The following GAPVD1 variants were observed in gnomAD, a reference collection of about 807,000 sequenced individuals.
The protein encoded by GAPVD1 is GTPase activating protein and VPS9 domains 1.
Under a neutral mutation model 155.5 loss-of-function variants are expected in GAPVD1, and 35 were observed. The ratio of observed to expected loss-of-function variants is 0.23; its 90% CI spans 0.17 to 0.30. The LOEUF (loss-of-function observed/expected upper bound fraction) is 0.30. Among genes scored for constraint, GAPVD1 ranks in the 10% least tolerant of loss-of-function variants. The pLI, the probability that GAPVD1 is intolerant of heterozygous loss-of-function variation, is 1.00. For synonymous variants in GAPVD1, 636 were observed against 619.7 expected, an observed-to-expected ratio of 1.03 and a Z score of -0.39; for missense variants, 1,429 against 1,775.7, an observed-to-expected ratio of 0.80 and a Z score of 3.51.
chr9:125,269,710 CTTTTT>C (rs951306489), intron 2 of GAPVD1, among the ~76,000 whole-genome samples: 31 of 52,702 alleles, frequency 5.9e-4, no homozygotes, highest in African/African-American at 1.1e-3. Context: ...CCATGCCTGG[CTTTTT>C]TTTTTTTTTT....
intron 24 of GAPVD1, among the ~76,000 whole-genome samples, chr9:125,355,384 G>A (rs1009549578): frequency 1.3e-5 from 2 of 152,180 alleles, no homozygotes; most frequent in African/African-American, 2.4e-5. Flanking sequence ...GATTACAGGC[G>A]TGAGCCACTG....
intron 11 of GAPVD1, among the ~76,000 whole-genome samples, chr9:125,325,393 G>T (rs10986704): frequency 0.02 from 2,986 of 151,200 alleles, 114 homozygotes; most frequent in East Asian, 0.086. Context: ...ATGGTGGCAG[G>T]CGCTTGTAGT....
At chr9:125,317,905 C>T (rs1028743756) in intron 9 of GAPVD1, among the ~76,000 whole-genome samples, 49 of 152,046 alleles carry the variant, frequency 3.2e-4, no homozygotes, top group Non-Finnish European at 1.5e-4. Context: ...GGTTCAACAG[C>T]AGATTTGTAC....
At chr9:125,305,292 G>T in intron 6 of GAPVD1, 143 bp downstream of exon 6, 1 of 534,120 alleles carries the variant, frequency 1.9e-6, no homozygotes. Flanking sequence ...ATTTAAAGAT[G>T]ATTAATTCCC....
intron 20 of GAPVD1, among the ~76,000 whole-genome samples, chr9:125,348,236 T>C (rs1706027255): frequency 6.6e-6 from 1 of 152,184 alleles, no homozygotes; most frequent in African/African-American, 2.4e-5. Context: ...TTGTATATTT[T>C]TGTAGAGATG....
chr9:125,353,334 G>T (rs1849574460), intron 23 of GAPVD1, among the ~76,000 whole-genome samples: 1 of 152,028 alleles, frequency 6.6e-6, no homozygotes, highest in Non-Finnish European at 1.5e-5. Flanking sequence ...CCTCAGCCTG[G>T]ACCTTATCGT....
At chr9:125,263,655 C>G in intron 1 of GAPVD1, 1 of 1,013,782 alleles carries the variant, frequency 9.9e-7, no homozygotes, top group South Asian at 1.3e-5. Flanking sequence ...CAGCCCCAGC[C>G]TCAGCTTTCT....
chr9:125,292,681 C>T (rs540214679), intron 2 of GAPVD1, among the ~76,000 whole-genome samples: 12 of 151,584 alleles, frequency 7.9e-5, no homozygotes, highest in Admixed American at 3.9e-4. Context: ...TGAACCACCA[C>T]GCCCGGCTGG....
At chr9:125,309,923 A>C (rs1386689121) in intron 8 of GAPVD1, 2 of 463,294 alleles carry the variant, frequency 4.3e-6, no homozygotes, top group Non-Finnish European at 9.0e-6. Flanking sequence ...TGCTTTTGCA[A>C]CCCAGGACAA....
At chr9:125,348,976 C>G (rs1313341125) in intron 20 of GAPVD1, among the ~76,000 whole-genome samples, 2 of 152,118 alleles carry the variant, frequency 1.3e-5, no homozygotes, top group Non-Finnish European at 2.9e-5. Flanking sequence ...ATTGGCCAAC[C>G]AAGAAATTTA....
At chr9:125,324,905 A>G (rs1320898248) in intron 11 of GAPVD1, among the ~76,000 whole-genome samples, 1 of 152,086 alleles carries the variant, frequency 6.6e-6, no homozygotes, top group African/African-American at 2.4e-5. Context: ...TTAAGTTGAA[A>G]GAGTTTTTTG....
chr9:125,301,987 G>A lies in GAPVD1; in HGVS notation c.190G>A (p.Glu64Lys). 7.0e-7 allele frequency: 1 copy of A among 1,432,304 alleles called. No homozygotes were observed. The highest frequency in any genetic ancestry group is 9.4e-7 in the Non-Finnish European group (1 of 1,061,854). 88.7% of individuals were successfully genotyped at this position (1,432,304 alleles called of 1,614,324 possible). A position where few individuals can be genotyped will look rare whatever the true frequency, so the allele number is the denominator to read the frequency against. Reference sequence around the variant, plus strand: ...TCTTTTTTTTTTTTTTTTTAGTGCTGAAGCTTCCCCTGCTGAATGTTGCCA... The same window carrying A: ...TCTTTTTTTTTTTTTTTTTAGTGCTAAAGCTTCCCCTGCTGAATGTTGCCA... ...NLDRLIITSAEASPAECCQHA... is the reference protein window; with the variant it reads ...NLDRLIITSAKASPAECCQHA... The change falls in exon 5 of 28, where the codon GAA (glutamate) becomes AAA (lysine). Residue 64 changes from glutamate (E) to lysine (K), a missense_variant. Physicochemically the swap from Glu to Lys is moderately conservative, Grantham distance 56 (BLOSUM62 1). Transcript: ENST00000297933.
intron 11 of GAPVD1, among the ~76,000 whole-genome samples, chr9:125,324,595 AAAG>A (rs1437810058): frequency 1.3e-5 from 2 of 152,182 alleles, no homozygotes; most frequent in Non-Finnish European, 2.9e-5. Flanking sequence ...GTCTCAAAAA[AAAG>A]AAAGTATAGG....
chr9:125,266,213 G>A (rs1033713512), intron 1 of GAPVD1, among the ~76,000 whole-genome samples: 1 of 150,842 alleles, frequency 6.6e-6, no homozygotes, highest in African/African-American at 2.4e-5. Context: ...TGCAATCTCC[G>A]TCTCCCGGGT....
At chr9:125,329,949 TG>T in intron 12 of GAPVD1, 128 bp from the exon 13 acceptor site, 1 of 644,018 alleles carries the variant, frequency 1.6e-6, no homozygotes. Context: ...CCCAAAGTGC[TG>T]GGATTACAGG....
chr9:125,276,697 CAAAG>C (rs1347381982), intron 2 of GAPVD1, among the ~76,000 whole-genome samples: 1 of 152,124 alleles, frequency 6.6e-6, no homozygotes, highest in Non-Finnish European at 1.5e-5. Context: ...TCAAAACACA[CAAAG>C]AAATTTCAGA....
chr9:125,332,463 A>C (rs771166874), intron 14 of GAPVD1, 47 bp from the exon 15 acceptor site: 4 of 1,454,310 alleles, frequency 2.8e-6, no homozygotes, highest in African/African-American at 2.8e-5. Flanking sequence ...TTTTGTGTGG[A>C]TATTTTGTTC....
intron 9 of GAPVD1, among the ~76,000 whole-genome samples, chr9:125,316,770 C>G (rs1843487456): frequency 6.6e-6 from 1 of 152,156 alleles, no homozygotes; most frequent in African/African-American, 2.4e-5. Flanking sequence ...AATGGGATTG[C>G]TGGGTCAGAT....
intron 1 of GAPVD1, among the ~76,000 whole-genome samples, chr9:125,267,233 C>T (rs1022788500): frequency 1.3e-4 from 20 of 151,984 alleles, no homozygotes; most frequent in South Asian, 2.1e-4. Flanking sequence ...TTTGGGAATC[C>T]GAGACGGTCA....
Sources: gnomAD v4.1 joint callset for allele counts (sites outside exome capture counted in the v4.1 genomes callset) on GRCh38, gnomAD v4.1.1 for gene constraint, MANE v1.5 for transcripts, NCBI Gene and HGNC (gene_info 2026-07-23, HGNC 2026-07-21) for gene names.